The following SMYD3 variants were observed in gnomAD, a reference collection of about 807,000 sequenced individuals.
The protein encoded by SMYD3 is SET and MYND domain containing 3.
In SMYD3, 36 loss-of-function variants were observed where a neutral mutation model predicts 57.7. That is an observed-to-expected ratio of 0.62 (90% CI 0.48 to 0.82). The LOEUF is 0.82. Among genes scored for constraint, SMYD3 ranks in the 40% least tolerant of loss-of-function variants. The pLI, the probability that SMYD3 is intolerant of heterozygous loss-of-function variation, is 0.00. For missense variants in SMYD3, 515 were observed against 538.8 expected, an observed-to-expected ratio of 0.96 and a Z score of 0.44; for synonymous variants, 211 against 195.0, an observed-to-expected ratio of 1.08 and a Z score of -0.68.
intron 1 of SMYD3, among the ~76,000 whole-genome samples, chr1:246,465,810 T>C (rs566182293): frequency 6.6e-6 from 1 of 152,358 alleles, no homozygotes; most frequent in East Asian, 1.9e-4. Context: ...TCTCACTTTG[T>C]TGCCCAAGCT....
At chr1:246,125,083 A>ACACACAC (rs770348655) in intron 5 of SMYD3, among the ~76,000 whole-genome samples, 40 of 109,630 alleles carry the variant, frequency 3.6e-4, no homozygotes, top group African/African-American at 9.1e-4. Flanking sequence ...AAAAAAAAAA[A>ACACACAC]AAAAACACAC....
At chr1:245,922,152 T>C (rs2056015440) in intron 7 of SMYD3, among the ~76,000 whole-genome samples, 1 of 152,202 alleles carries the variant, frequency 6.6e-6, no homozygotes, top group South Asian at 2.1e-4. Context: ...TAGTTATTTA[T>C]TGAATATAAT....
chr1:246,328,867 A>T (rs906777664), intron 4 of SMYD3, among the ~76,000 whole-genome samples: 1 of 150,732 alleles, frequency 6.6e-6, no homozygotes, highest in Admixed American at 6.6e-5. Flanking sequence ...CAGTCCCCAG[A>T]GTGTGCTGTT....
At chr1:245,806,770 CGCG>C in intron 10 of SMYD3, among the ~76,000 whole-genome samples, 1 of 151,044 alleles carries the variant, frequency 6.6e-6, no homozygotes, top group East Asian at 2.0e-4. Context: ...ATTAGCCGGG[CGCG>C]GTGGCGGGCG....
chr1:246,281,646 C>A (rs1004864530), intron 5 of SMYD3, among the ~76,000 whole-genome samples: 2 of 152,152 alleles, frequency 1.3e-5, no homozygotes, highest in African/African-American at 4.8e-5. Context: ...CTAAAAACAT[C>A]TGCAAAACAT....
intron 5 of SMYD3, among the ~76,000 whole-genome samples, chr1:245,997,278 G>A (rs1465026576): frequency 6.6e-6 from 1 of 152,230 alleles, no homozygotes; most frequent in South Asian, 2.1e-4. Context: ...TCTCAGACAG[G>A]GGGGATGTCA....
intron 1 of SMYD3, among the ~76,000 whole-genome samples, chr1:246,423,414 G>A (rs1291689051): frequency 6.6e-6 from 1 of 152,178 alleles, no homozygotes; most frequent in East Asian, 1.9e-4. Context: ...AAGATGGTCT[G>A]CATGAACCAG....
At chr1:246,418,571 G>A (rs1205771020) in intron 1 of SMYD3, among the ~76,000 whole-genome samples, 1 of 152,202 alleles carries the variant, frequency 6.6e-6, no homozygotes, top group Non-Finnish European at 1.5e-5. Flanking sequence ...TATATCCTGG[G>A]GTTTCTTGCT....
chr1:246,429,283 T>G (rs2067265361), intron 1 of SMYD3, among the ~76,000 whole-genome samples: 1 of 152,098 alleles, frequency 6.6e-6, no homozygotes, highest in African/African-American at 2.4e-5. Flanking sequence ...AGAAAGGGAA[T>G]CAAGATATAA....
chr1:246,210,790 T>C (rs1281607481), intron 5 of SMYD3, among the ~76,000 whole-genome samples: 1 of 152,104 alleles, frequency 6.6e-6, no homozygotes, highest in African/African-American at 2.4e-5. Flanking sequence ...GTGCTCCAAA[T>C]TTCTCACAGT....
At chr1:246,195,734 C>T (rs929891656) in intron 5 of SMYD3, among the ~76,000 whole-genome samples, 1 of 152,062 alleles carries the variant, frequency 6.6e-6, no homozygotes, top group African/African-American at 2.4e-5. Flanking sequence ...AAGTCATGAC[C>T]CTGCAGGTCA....
intron 5 of SMYD3, among the ~76,000 whole-genome samples, chr1:245,981,623 G>C (rs1332544266): frequency 6.6e-6 from 1 of 152,088 alleles, no homozygotes; most frequent in Non-Finnish European, 1.5e-5. Flanking sequence ...GTGAAAAAAA[G>C]ATTTTTAGAT....
intron 1 of SMYD3, among the ~76,000 whole-genome samples, chr1:246,468,728 C>T (rs575005132): frequency 3.0e-4 from 46 of 152,104 alleles, no homozygotes; most frequent in Middle Eastern, 6.8e-3. Flanking sequence ...TGTAATTCAA[C>T]ATTTTGGGAG....
At chr1:246,058,810 A>C (rs749620754) in intron 5 of SMYD3, among the ~76,000 whole-genome samples, 30 of 152,194 alleles carry the variant, frequency 2.0e-4, no homozygotes, top group Non-Finnish European at 4.3e-4. Context: ...TTTTATTGTA[A>C]TAAAAGTAAT....
chr1:246,118,676 A>G (rs3949458), intron 5 of SMYD3, among the ~76,000 whole-genome samples: 127,719 of 152,180 alleles, frequency 0.84, 53,786 homozygotes, highest in Admixed American at 0.89. Flanking sequence ...CCAGGTGATG[A>G]AAAATGCCAG....
intron 5 of SMYD3, among the ~76,000 whole-genome samples, chr1:246,287,447 T>C (rs553810953): frequency 6.6e-6 from 1 of 152,322 alleles, no homozygotes; most frequent in Admixed American, 6.5e-5. Flanking sequence ...TCTGTTAAGT[T>C]AGGACTCCAG....
At chr1:246,432,459 A>T (rs1018641642) in intron 1 of SMYD3, among the ~76,000 whole-genome samples, 1 of 152,236 alleles carries the variant, frequency 6.6e-6, no homozygotes, top group Non-Finnish European at 1.5e-5. Flanking sequence ...ACCCAGAAAG[A>T]GAGATCATCC....
intron 5 of SMYD3, among the ~76,000 whole-genome samples, chr1:246,196,652 A>G (rs1290771683): frequency 6.6e-6 from 1 of 152,172 alleles, no homozygotes; most frequent in Non-Finnish European, 1.5e-5. Flanking sequence ...TCTTTCCCCA[A>G]TGAAAAACAA....
At chr1:245,898,601 G>A (rs1323073609) in intron 8 of SMYD3, among the ~76,000 whole-genome samples, 1 of 152,168 alleles carries the variant, frequency 6.6e-6, no homozygotes, top group Non-Finnish European at 1.5e-5. Context: ...GTGTGCCAAG[G>A]ATGAAAAGAA....
Sources: gnomAD v4.1 joint callset for allele counts (sites outside exome capture counted in the v4.1 genomes callset) on GRCh38, gnomAD v4.1.1 for gene constraint, MANE v1.5 for transcripts, NCBI Gene and HGNC (gene_info 2026-07-23, HGNC 2026-07-21) for gene names.